The following STXBP6 variants were observed in gnomAD, a reference collection of about 807,000 sequenced individuals.
STXBP6 encodes syntaxin binding protein 6.
In STXBP6, 21 loss-of-function variants were observed where a neutral mutation model predicts 26.9. That is an observed-to-expected ratio of 0.78 (90% CI 0.55 to 1.12). The LOEUF (loss-of-function observed/expected upper bound fraction) is 1.12. STXBP6 is among the 50% of genes most tolerant of loss of function. STXBP6 has a pLI of 0.00. For synonymous variants in STXBP6, 97 were observed against 92.6 expected (o/e 1.05, Z -0.27); for missense variants, 232 against 257.9 (o/e 0.90, Z 0.69).
At chr14:24,826,869 C>T (rs775937066) in intron 4 of STXBP6, among the ~76,000 whole-genome samples, 1 of 152,162 alleles carries the variant, frequency 6.6e-6, no homozygotes, top group Non-Finnish European at 1.5e-5. Flanking sequence ...TCTCTATGAG[C>T]CTATGCTTTT....
chr14:25,017,222 C>T (rs1051555474), intron 1 of STXBP6, among the ~76,000 whole-genome samples: 1 of 152,168 alleles, frequency 6.6e-6, no homozygotes, highest in Non-Finnish European at 1.5e-5. Context: ...TCCTCTACGG[C>T]CGCCCCTATG....
intron 2 of STXBP6, among the ~76,000 whole-genome samples, chr14:24,896,404 C>G (rs1177631916): frequency 6.6e-6 from 1 of 152,154 alleles, no homozygotes. Context: ...CAGCTTCCTC[C>G]TATTCAAGGA....
chr14:24,869,038 G>A (rs980024951), intron 2 of STXBP6, among the ~76,000 whole-genome samples: 6 of 152,206 alleles, frequency 3.9e-5, no homozygotes, highest in Non-Finnish European at 8.8e-5. Context: ...ACCTGAAAAT[G>A]TAAGACTACG....
At chr14:24,969,058 T>C (rs1194104255) in intron 2 of STXBP6, among the ~76,000 whole-genome samples, 3 of 152,300 alleles carry the variant, frequency 2.0e-5, no homozygotes, top group Middle Eastern at 3.4e-3. Context: ...AAGGGCAGTA[T>C]TGGCAGGTTC....
At chr14:25,019,842 C>G (rs2075228661) in intron 1 of STXBP6, among the ~76,000 whole-genome samples, 1 of 143,104 alleles carries the variant, frequency 7.0e-6, no homozygotes, top group African/African-American at 2.6e-5. Context: ...AGTTTAGTAT[C>G]TTATTATAAA....
chr14:24,899,767 C>T (rs372874372), intron 2 of STXBP6, among the ~76,000 whole-genome samples: 7 of 105,802 alleles, frequency 6.6e-5, no homozygotes, highest in African/African-American at 7.4e-5. Flanking sequence ...TAAAACAGAG[C>T]GAGACTACAT....
chr14:25,013,208 G>A (rs1008160277), intron 1 of STXBP6, among the ~76,000 whole-genome samples: 13 of 152,076 alleles, frequency 8.5e-5, no homozygotes, highest in African/African-American at 3.1e-4. Flanking sequence ...CCCCAAATTG[G>A]TTATCTCTGG....
intron 4 of STXBP6, among the ~76,000 whole-genome samples, chr14:24,851,285 G>A (rs1421938159): frequency 6.7e-6 from 1 of 149,364 alleles, no homozygotes; most frequent in African/African-American, 2.5e-5. Flanking sequence ...TGTGCACAAC[G>A]TGCAGGTTAG....
At chr14:24,874,441 C>T (rs150349561) in intron 2 of STXBP6, among the ~76,000 whole-genome samples, 24 of 152,122 alleles carry the variant, frequency 1.6e-4, no homozygotes, top group African/African-American at 5.3e-4. Context: ...CTAGTTCCAC[C>T]GACGGGTACA....
intron 2 of STXBP6, among the ~76,000 whole-genome samples, chr14:24,914,897 T>A (rs1373732520): frequency 6.6e-6 from 1 of 152,230 alleles, no homozygotes; most frequent in Non-Finnish European, 1.5e-5. Context: ...CAGAAAATCA[T>A]CTTCTTGACT....
Position 25,049,157 on chromosome 14 carries a change from G to C in STXBP6, c.-33+721C>G, listed in dbSNP as rs1291872672. 4.1e-6 allele frequency: 4 copies of C among 985,438 alleles called. No individual in the cohort carries two copies. The highest frequency in any genetic ancestry group is 4.8e-6 in the Non-Finnish European group (4 of 829,952). 61.0% of individuals were successfully genotyped at this position (985,438 alleles called of 1,614,324 possible). Reference sequence around the variant, plus strand: ...GAACGGGGTGGGGTGGTGAGGTGGCGGGGTGTTGTAAACCTGAGGAAAGGT... The same window carrying C: ...GAACGGGGTGGGGTGGTGAGGTGGCCGGGTGTTGTAAACCTGAGGAAAGGT... On this transcript the variant is annotated intron_variant, in intron 1 of 5. Coordinates refer to ENST00000323944, the MANE Select transcript of STXBP6 (RefSeq NM_001394410.1). The surrounding 1 kb of genome is among the most constrained non-coding windows in gnomAD (Gnocchi z 5.6).
chr14:25,014,134 G>A (rs1368611791), intron 1 of STXBP6, among the ~76,000 whole-genome samples: 2 of 152,170 alleles, frequency 1.3e-5, no homozygotes, highest in African/African-American at 4.8e-5. Context: ...CTGAGAGAGA[G>A]GCACATAGGG....
chr14:24,941,947 G>C (rs991107242), intron 2 of STXBP6, among the ~76,000 whole-genome samples: 1 of 152,252 alleles, frequency 6.6e-6, no homozygotes, highest in Non-Finnish European at 1.5e-5. Context: ...GCTGCCAGGT[G>C]TGCATCTGCA....
chr14:24,936,642 C>A (rs2072609968), intron 2 of STXBP6, among the ~76,000 whole-genome samples: 1 of 152,152 alleles, frequency 6.6e-6, no homozygotes, highest in African/African-American at 2.4e-5. Context: ...AATTGCCACA[C>A]CGTCTTCCAC....
At chr14:24,999,012 A>G (rs1280409382) in intron 1 of STXBP6, among the ~76,000 whole-genome samples, 3 of 152,198 alleles carry the variant, frequency 2.0e-5, no homozygotes, top group Admixed American at 1.3e-4. Flanking sequence ...TTATATACAT[A>G]TATACATACA....
intron 2 of STXBP6, among the ~76,000 whole-genome samples, chr14:24,917,215 TA>T (rs1393638301): frequency 6.6e-6 from 1 of 152,004 alleles, no homozygotes; most frequent in Non-Finnish European, 1.5e-5. Context: ...CACAATTTTG[TA>T]AAAAAATCTC....
chr14:25,039,951 C>T (rs1409805373), intron 1 of STXBP6, among the ~76,000 whole-genome samples: 2 of 152,070 alleles, frequency 1.3e-5, no homozygotes, highest in Non-Finnish European at 2.9e-5. Context: ...TCAAGTGATC[C>T]GCCTGCCTCG....
intron 2 of STXBP6, among the ~76,000 whole-genome samples, chr14:24,927,812 C>T (rs1486432805): frequency 1.3e-5 from 2 of 152,150 alleles, no homozygotes; most frequent in African/African-American, 2.4e-5. Context: ...GTTATGTTAA[C>T]CTTTAAAGTG....
At chr14:24,875,612 C>T (rs1202243520) in intron 2 of STXBP6, among the ~76,000 whole-genome samples, 1 of 152,142 alleles carries the variant, frequency 6.6e-6, no homozygotes. Context: ...TCATAACTTT[C>T]CTAAATTCCC....
Sources: allele counts gnomAD v4.1 joint callset (sites outside exome capture counted in the v4.1 genomes callset), GRCh38; gene constraint gnomAD v4.1.1; non-coding constraint Gnocchi (gnomAD v3.1); transcripts MANE v1.5; gene names NCBI Gene and HGNC (gene_info 2026-07-23, HGNC 2026-07-21).